SMAD1: variants seen among roughly 807,000 people sequenced by gnomAD.
The protein encoded by SMAD1 is MAD, mothers against decapentaplegic homolog 1.
In SMAD1, 6 loss-of-function variants were observed where a neutral mutation model predicts 41.6. The ratio of observed to expected loss-of-function variants is 0.14; its 90% CI spans 0.08 to 0.28. The LOEUF (loss-of-function observed/expected upper bound fraction) is 0.28, where lower values mean the gene tolerates loss of function less well. Ranked by LOEUF, SMAD1 falls within the 10% of genes least tolerant of loss-of-function variation. The pLI is 1.00. For missense variants in SMAD1, 379 were observed against 582.6 expected, an observed-to-expected ratio of 0.65 and a Z score of 3.60; for synonymous variants, 206 against 203.2, an observed-to-expected ratio of 1.01 and a Z score of -0.12.
intron 1 of SMAD1, among the ~76,000 whole-genome samples, chr4:145,492,109 C>G (rs924185373): frequency 1.3e-5 from 2 of 152,144 alleles, no homozygotes; most frequent in Non-Finnish European, 2.9e-5. Context: ...AAAACTCAAA[C>G]TGTTTTTCCC....
At position 145,518,268 on chromosome 4, in the gene SMAD1, ACT is replaced by A. The variant is rs1257967409; in HGVS notation, c.400+3258_400+3259del. 1.6e-5 allele frequency among the ~76,000 whole-genome samples: 2 copies of A among 125,122 alleles called. 1 individual carries two copies. The highest frequency in any genetic ancestry group is 5.3e-4 in the South Asian group (2 of 3,774). The allele number at this position is 125,122 out of a possible 152,430, so 82.1% of individuals were successfully genotyped here. ...GTTCTAGCCTGGGCAGTGTAGTGAGACTCTGTCTCAGAAAAATAAAGTTAAAA... is the reference window on the plus strand; with the variant it reads ...GTTCTAGCCTGGGCAGTGTAGTGAGACTGTCTCAGAAAAATAAAGTTAAAA... On this transcript the variant is annotated intron_variant, in intron 2 of 6. Coordinates refer to ENST00000302085, the MANE Select transcript of SMAD1 (RefSeq NM_005900.3).
chr4:145,540,646 C>T (rs185449023), intron 3 of SMAD1, among the ~76,000 whole-genome samples: 1 of 150,008 alleles, frequency 6.7e-6, no homozygotes, highest in African/African-American at 2.5e-5. Context: ...TTTTTCTAGA[C>T]ATAACTGTTG....
At chr4:145,485,613 A>G (rs564054796) in intron 1 of SMAD1, among the ~76,000 whole-genome samples, 17 of 152,322 alleles carry the variant, frequency 1.1e-4, no homozygotes, top group East Asian at 3.9e-4. Context: ...GGAAAGACAT[A>G]TATAAACTAA....
At position 145,488,476 on chromosome 4, in the gene SMAD1, TTGTGTG is replaced by T. The variant is rs60369536; in HGVS notation, c.-177+6461_-177+6466del. Among the ~76,000 whole-genome samples the T allele has an allele frequency of 4.2e-3, 630 of 148,734 alleles. 3 individuals carry two copies. Among genetic ancestry groups the T allele is most frequent in the Middle Eastern group, 0.031 (9 of 290 alleles). ...CATGTATTATCCTCTCCCTGTCTTT[TTGTGTG>T]TGTGTGTGTGTGTGTGTGTGTGGTT... On this transcript the variant is annotated intron_variant, in intron 1 of 6. Coordinates refer to ENST00000302085, the MANE Select transcript of SMAD1 (RefSeq NM_005900.3).
intron 1 of SMAD1, among the ~76,000 whole-genome samples, chr4:145,494,471 A>G (rs1280771055): frequency 6.6e-6 from 1 of 152,134 alleles, no homozygotes; most frequent in African/African-American, 2.4e-5. Context: ...TTACCTTATT[A>G]ACTCTTTAGA....
chr4:145,512,428 AT>A (rs1193799561), intron 1 of SMAD1, among the ~76,000 whole-genome samples: 10 of 151,696 alleles, frequency 6.6e-5, no homozygotes, highest in Non-Finnish European at 1.5e-4. Flanking sequence ...TTTATTTTTC[AT>A]TTTTTCCCTC....
chr4:145,528,106 TA>T lies in SMAD1; in HGVS notation c.401-11697del, dbSNP rs1490428355. On this transcript the variant is annotated intron_variant, in intron 2 of 6. Coordinates refer to ENST00000302085, the MANE Select transcript of SMAD1 (RefSeq NM_005900.3). ...ACACACACACACATACACACACATA[TA>T]TTTTTTTTTTTTTTGAAATTGAGTC... 5.9e-3 allele frequency among the ~76,000 whole-genome samples: 895 copies of T among 150,526 alleles called. 5 individuals carry two copies. The highest frequency in any genetic ancestry group is 0.016 in the African/African-American group (650 of 40,916).
chr4:145,552,634 G>GT (rs897706881), intron 5 of SMAD1, among the ~76,000 whole-genome samples: 7 of 152,114 alleles, frequency 4.6e-5, no homozygotes, highest in African/African-American at 7.2e-5. Flanking sequence ...TCATTTTCAT[G>GT]TTTTTTTACT....
intron 1 of SMAD1, among the ~76,000 whole-genome samples, chr4:145,496,712 G>A (rs1450835111): frequency 1.3e-5 from 2 of 152,002 alleles, no homozygotes; most frequent in East Asian, 3.9e-4. Flanking sequence ...GGGTGGTGGG[G>A]TCTGGGAACC....
At chr4:145,498,565 C>G (rs1012547113) in intron 1 of SMAD1, among the ~76,000 whole-genome samples, 6 of 152,134 alleles carry the variant, frequency 3.9e-5, no homozygotes, top group Non-Finnish European at 8.8e-5. Context: ...AAGTAGTTGG[C>G]TCTCCTGCAC....
intron 1 of SMAD1, chr4:145,497,779 A>ATCTAAAGCATTATTTC (rs1209496628): frequency 2.0e-5 from 3 of 152,260 alleles, no homozygotes; most frequent in Admixed American, 6.5e-5. Flanking sequence ...GCTTGCTTAT[A>ATCTAAAGCATTATTTC]TCTAAAGCAT....
rs1016282683 is a variant in SMAD1, at chr4:145,482,493, C to T, written c.-177+455C>T. 1 of 151,962 alleles carries T rather than the reference C, an allele frequency of 6.6e-6. No individual in the cohort carries two copies. The highest frequency in any genetic ancestry group is 1.5e-5 in the Non-Finnish European group (1 of 68,008). 9.4% of individuals were successfully genotyped at this position (151,962 alleles called of 1,614,324 possible). ...CGCGTGGCCCGCGGACCCATTGTGTCCCCCGCGCCGGCGGGGCGACCCCTG... is the reference window on the plus strand; with the variant it reads ...CGCGTGGCCCGCGGACCCATTGTGTTCCCCGCGCCGGCGGGGCGACCCCTG... On this transcript the variant is annotated intron_variant, in intron 1 of 6. Coordinates refer to ENST00000302085, the MANE Select transcript of SMAD1 (RefSeq NM_005900.3). This position sits in a 1 kb window ranked among gnomAD's most constrained non-coding sequence, Gnocchi z 4.2.
At chr4:145,545,056 T>A (rs1171090028) in intron 4 of SMAD1, 1 of 151,838 alleles carries the variant, frequency 6.6e-6, no homozygotes, top group African/African-American at 2.4e-5. Context: ...TCCCCCCGCT[T>A]TTTTTTTAAC....
rs1190001940 is a variant in SMAD1 at position 145,482,223 on chromosome 4, AC to A, written c.-177+197del. On this transcript the variant is annotated intron_variant, in intron 1 of 6. Coordinates refer to ENST00000302085, the MANE Select transcript of SMAD1 (RefSeq NM_005900.3). This position sits in a 1 kb window ranked among gnomAD's most constrained non-coding sequence, Gnocchi z 4.2. ...CTCTTTCTGCGCGGGGCGGGCCGCG[AC>A]CCCCCCCCCCCATGATGGCGCCTCC... Among the ~76,000 whole-genome samples the A allele has an allele frequency of 0.11, 11,331 of 105,076 alleles. 655 individuals are homozygous for A. Among genetic ancestry groups the A allele is most frequent in the African/African-American group, 0.2 (6,281 of 30,844 alleles). 68.9% of individuals were successfully genotyped at this position (105,076 alleles called of 152,430 possible). A position where few individuals can be genotyped will look rare whatever the true frequency, so the allele number is the denominator to read the frequency against.
chr4:145,549,275 A>G (rs1732424619), intron 5 of SMAD1, among the ~76,000 whole-genome samples: 1 of 152,238 alleles, frequency 6.6e-6, no homozygotes, highest in Non-Finnish European at 1.5e-5. Context: ...ATGGTAGATT[A>G]GACCAATGTT....
chr4:145,556,214 C>T (rs1338621371), intron 6 of SMAD1, among the ~76,000 whole-genome samples: 1 of 152,128 alleles, frequency 6.6e-6, no homozygotes, highest in African/African-American at 2.4e-5. Context: ...CTCAGCTGAA[C>T]ACATATTTAT....
intron 4 of SMAD1, chr4:145,544,904 C>G (rs543497080): frequency 6.6e-6 from 1 of 152,166 alleles, no homozygotes; most frequent in East Asian, 1.9e-4. Flanking sequence ...TATTACTAAA[C>G]CCAAAATGTC....
intron 2 of SMAD1, among the ~76,000 whole-genome samples, chr4:145,519,059 C>T (rs1730578821): frequency 3.2e-5 from 3 of 94,690 alleles, no homozygotes; most frequent in Admixed American, 2.9e-4. Flanking sequence ...TGCCTATTCT[C>T]TGAACCATTT....
At chr4:145,524,169 ATTG>A (rs1730906997) in intron 2 of SMAD1, among the ~76,000 whole-genome samples, 4 of 152,328 alleles carry the variant, frequency 2.6e-5, no homozygotes, top group African/African-American at 9.6e-5. Flanking sequence ...GGATTTTATC[ATTG>A]GCATTGGCTT....
Sources: gnomAD v4.1 joint callset for allele counts (sites outside exome capture counted in the v4.1 genomes callset) on GRCh38, gnomAD v4.1.1 for gene constraint, Gnocchi (gnomAD v3.1) non-coding constraint, MANE v1.5 for transcripts, NCBI Gene and HGNC (gene_info 2026-07-23, HGNC 2026-07-21) for gene names.